MORN1: variants seen among roughly 807,000 people sequenced by gnomAD.
The protein encoded by MORN1 is MORN repeat containing 1.
A neutral mutation model predicts 61.9 loss-of-function variants in MORN1; 67 were observed. That is an observed-to-expected ratio of 1.08 (90% CI 0.89 to 1.33). The LOEUF (loss-of-function observed/expected upper bound fraction) is 1.33. Ranked by LOEUF, MORN1 falls within the 40% of genes most tolerant of loss-of-function variation. The pLI is 0.00. For missense variants in MORN1, 752 were observed against 691.2 expected (o/e 1.09, Z -0.99); for synonymous variants, 301 against 292.0 (o/e 1.03, Z -0.31).
chr1:2,385,867 T>C lies in MORN1; in HGVS notation c.389A>G (p.Gln130Arg), dbSNP rs750536562. 1 of 1,613,934 alleles carries C rather than the reference T, an allele frequency of 6.2e-7. No homozygotes were observed. The highest frequency in any genetic ancestry group is 8.5e-7 in the Non-Finnish European group (1 of 1,180,004). Residue 130 changes from glutamine (Q) to arginine (R), a missense_variant, in exon 5 of 14, where the codon CAA becomes CGA. Gln to Arg is a conservative substitution (Grantham distance 43). Transcript: ENST00000378531. ...GTCATGGAAGGAGCCCTGGTACACTTGTCCATCCCGGTCCACCAGAAACCC... is the reference window on the plus strand; with the variant it reads ...GTCATGGAAGGAGCCCTGGTACACTCGTCCATCCCGGTCCACCAGAAACCC... ...GHGFLVDRDG[Q>R]VYQGSFHDNK...
rs1053656963 is a variant in MORN1, at chr1:2,357,948, C to A, written c.870-350G>T. Among the ~76,000 whole-genome samples, 1 of 152,154 alleles carries A rather than the reference C, an allele frequency of 6.6e-6. No individual in the cohort carries two copies. The highest frequency in any genetic ancestry group is 1.5e-5 in the Non-Finnish European group (1 of 68,030). On this transcript the variant is annotated intron_variant, in intron 9 of 13. Transcript: ENST00000378531. This position sits in a 1 kb window ranked among gnomAD's most constrained non-coding sequence, Gnocchi z 6.3. ...GACAGTCCTTAACTCAGGAGAAGGGCCGGTGGGAAAAGGGAGTGTGAGAGC... is the reference window on the plus strand; with the variant it reads ...GACAGTCCTTAACTCAGGAGAAGGGACGGTGGGAAAAGGGAGTGTGAGAGC...
At chr1:2,354,515 C>T (rs549104088) in intron 10 of MORN1, among the ~76,000 whole-genome samples, 43 of 152,086 alleles carry the variant, frequency 2.8e-4, no homozygotes, top group East Asian at 5.8e-4. Context: ...TGCGATGAGC[C>T]GAGATCACGC....
chr1:2,345,148 G>A (rs61762092), intron 10 of MORN1, among the ~76,000 whole-genome samples: 16,323 of 152,298 alleles, frequency 0.11, 1,162 homozygotes, highest in East Asian at 0.29. Context: ...CAGCCCCCGC[G>A]AGGGTCCACG....
At chr1:2,321,983 A>T in intron 13 of MORN1, 4 of 960,092 alleles carry the variant, frequency 4.2e-6, no homozygotes, top group Non-Finnish European at 5.0e-6. Context: ...TAGGAGAAAA[A>T]TAATTCATTC....
At chr1:2,388,469 G>T in intron 2 of MORN1, 132 bp from the exon 3 acceptor site, 1 of 664,726 alleles carries the variant, frequency 1.5e-6, no homozygotes, top group South Asian at 1.8e-5. Flanking sequence ...CATCACTCAT[G>T]CTATACATGT....
At chr1:2,366,354 C>T (rs953701363) in intron 8 of MORN1, among the ~76,000 whole-genome samples, 1 of 151,736 alleles carries the variant, frequency 6.6e-6, no homozygotes, top group African/African-American at 2.4e-5. Flanking sequence ...GGAGGGATAG[C>T]TTTAGGAGAT....
intron 12 of MORN1, chr1:2,332,559 A>T (rs995342994): frequency 4.4e-6 from 2 of 455,632 alleles, no homozygotes; most frequent in Non-Finnish European, 8.8e-6. Context: ...GGGAATGGGC[A>T]GTGCTGTGAG....
chr1:2,338,123 G>A (rs1344756394), intron 10 of MORN1, among the ~76,000 whole-genome samples: 2 of 152,182 alleles, frequency 1.3e-5, no homozygotes, highest in Admixed American at 1.3e-4. Flanking sequence ...GGACCTTGGG[G>A]CTGGAGGCAT....
intron 8 of MORN1, chr1:2,371,902 C>A: frequency 6.2e-6 from 1 of 162,572 alleles, no homozygotes; most frequent in South Asian, 1.4e-4. Context: ...GAGTGAAACT[C>A]CATCTCAAAA....
Position 2,337,719 on chromosome 1 carries a change from C to A in MORN1, c.1037-869G>T, listed in dbSNP as rs551521011. Among the ~76,000 whole-genome samples the A allele has an allele frequency of 1.5e-3, 221 of 152,320 alleles. No individual in the cohort carries two copies. Among genetic ancestry groups the A allele is most frequent in the African/African-American group, 5.0e-3 (209 of 41,570 alleles). The stretch of plus-strand genomic sequence containing the variant: ...TGACACCGCTGCCCCGAGGGCCCCC[C>A]ACTTGCACACACCACTGGGAGGAGG... On this transcript the variant is annotated intron_variant, in intron 10 of 13. Coordinates refer to ENST00000378531, the MANE Select transcript of MORN1 (RefSeq NM_024848.3). The surrounding 1 kb of genome is among the most constrained non-coding windows in gnomAD (Gnocchi z 5.7).
intron 8 of MORN1, among the ~76,000 whole-genome samples, chr1:2,363,813 TA>T (rs1557883074): frequency 1.1e-5 from 1 of 93,884 alleles, no homozygotes; most frequent in African/African-American, 4.8e-5. Flanking sequence ...AACAAAAAAA[TA>T]TATATATATA....
chr1:2,349,913 C>G lies in MORN1; in HGVS notation c.1036+7519G>C, dbSNP rs534900856. ...ATGAAAAAAAAGAAGAAAAGAAAAGCAACCTGACGTCCTCTCACGGCTGCG... is the reference window on the plus strand; with the variant it reads ...ATGAAAAAAAAGAAGAAAAGAAAAGGAACCTGACGTCCTCTCACGGCTGCG... On this transcript the variant is annotated intron_variant, in intron 10 of 13. Transcript: ENST00000378531. 2.5e-4 allele frequency among the ~76,000 whole-genome samples: 38 copies of G among 152,322 alleles called. 1 individual carries two copies. Among genetic ancestry groups the G allele is most frequent in the African/African-American group, 7.9e-4 (33 of 41,564 alleles).
chr1:2,335,762 CG>C (rs1278021091), intron 12 of MORN1, among the ~76,000 whole-genome samples: 6 of 151,344 alleles, frequency 4.0e-5, no homozygotes, highest in Non-Finnish European at 7.4e-5. Flanking sequence ...CCACAGTGTG[CG>C]GGGCCAGGCG....
intron 4 of MORN1, chr1:2,387,117 C>A: frequency 2.3e-6 from 1 of 428,618 alleles, no homozygotes. Flanking sequence ...CTACTGACCC[C>A]AGGATCAGGA....
At chr1:2,375,111 A>C (rs969913143) in intron 6 of MORN1, 2 of 152,314 alleles carry the variant, frequency 1.3e-5, no homozygotes, top group African/African-American at 4.8e-5. Flanking sequence ...CTGGTTTCCA[A>C]GTCATACAAC....
At position 2,348,720 on chromosome 1, in the gene MORN1, G is replaced by GGCAC. The variant is rs1553212650; in HGVS notation, c.1036+8708_1036+8711dup. 2.2e-4 allele frequency among the ~76,000 whole-genome samples: 27 copies of GGCAC among 124,228 alleles called. 1 individual carries two copies. The highest frequency in any genetic ancestry group is 2.2e-4 in the African/African-American group (7 of 32,380). The allele number at this position is 124,228 out of a possible 152,430, so 81.5% of individuals were successfully genotyped here. ...ACGCACGCACACGCACACCTGCGCG[G>GGCAC]GCACGCACACGCACACCTGCGCGGG... On this transcript the variant is annotated intron_variant, in intron 10 of 13. Transcript: ENST00000378531.
At chr1:2,389,429 CA>C (rs1272382350) in intron 2 of MORN1, among the ~76,000 whole-genome samples, 1 of 152,210 alleles carries the variant, frequency 6.6e-6, no homozygotes, top group Non-Finnish European at 1.5e-5. Flanking sequence ...TTACCACAAC[CA>C]GCTATTATTG....
intron 12 of MORN1, among the ~76,000 whole-genome samples, chr1:2,335,878 C>T (rs183420978): frequency 6.6e-6 from 1 of 152,052 alleles, no homozygotes; most frequent in Non-Finnish European, 1.5e-5. Context: ...AGACAGAGTC[C>T]CGATTTGAGG....
intron 8 of MORN1, among the ~76,000 whole-genome samples, chr1:2,360,460 C>G (rs891634190): frequency 8.5e-5 from 13 of 152,220 alleles, no homozygotes; most frequent in Admixed American, 6.5e-4. Context: ...ATTGCCCTGG[C>G]TGCTGCCTTA....
Sources: allele counts gnomAD v4.1 joint callset (sites outside exome capture counted in the v4.1 genomes callset), GRCh38; gene constraint gnomAD v4.1.1; non-coding constraint Gnocchi (gnomAD v3.1); transcripts MANE v1.5; gene names NCBI Gene and HGNC (gene_info 2026-07-23, HGNC 2026-07-21).